Variants in FGF14 observed in about 807,000 individuals in gnomAD.
The protein encoded by FGF14 is fibroblast growth factor homologous factor 4.
FGF14 carries 5 observed loss-of-function variants against 25.5 expected under a neutral mutation model. The ratio of observed to expected loss-of-function variants is 0.20; its 90% CI spans 0.10 to 0.41. FGF14 has a LOEUF of 0.41. Among genes scored for constraint, FGF14 ranks in the 10% least tolerant of loss-of-function variants. FGF14 has a pLI of 1.00. For missense variants in FGF14, 222 were observed against 320.1 expected (o/e 0.69, Z 2.34); for synonymous variants, 138 against 118.3 (o/e 1.17, Z -1.08).
chr13:102,062,816 A>G (rs911790707), intron 1 of FGF14, among the ~76,000 whole-genome samples: 12 of 152,224 alleles, frequency 7.9e-5, no homozygotes, highest in Non-Finnish European at 4.4e-5. Flanking sequence ...AAATGTGTTC[A>G]GCAATACTAA....
chr13:102,145,084 GT>G (rs1169830164), intron 1 of FGF14, among the ~76,000 whole-genome samples: 3 of 152,102 alleles, frequency 2.0e-5, no homozygotes, highest in Admixed American at 6.6e-5. Flanking sequence ...GTTGCCAACA[GT>G]TATTATTTTC....
intron 1 of FGF14, among the ~76,000 whole-genome samples, chr13:101,883,399 T>C (rs1215107684): frequency 6.6e-6 from 1 of 152,204 alleles, no homozygotes; most frequent in Non-Finnish European, 1.5e-5. Flanking sequence ...TTTCTATGTT[T>C]TGTTTAAGCA....
At chr13:101,864,615 C>T (rs1227559350) in intron 3 of FGF14, among the ~76,000 whole-genome samples, 1 of 152,012 alleles carries the variant, frequency 6.6e-6, no homozygotes, top group Non-Finnish European at 1.5e-5. Context: ...ACATGGTAAC[C>T]TTGAATTTTC....
At chr13:102,137,242 C>A (rs1566733020) in intron 1 of FGF14, among the ~76,000 whole-genome samples, 1 of 152,178 alleles carries the variant, frequency 6.6e-6, no homozygotes, top group Non-Finnish European at 1.5e-5. Flanking sequence ...TCCCTCTTGG[C>A]AACCAAAACA....
At chr13:102,071,898 C>G (rs957078384) in intron 1 of FGF14, among the ~76,000 whole-genome samples, 1 of 152,154 alleles carries the variant, frequency 6.6e-6, no homozygotes, top group African/African-American at 2.4e-5. Context: ...GTGGGAATTA[C>G]ACTCTCACGA....
intron 1 of FGF14, among the ~76,000 whole-genome samples, chr13:102,383,907 C>T (rs947272500): frequency 1.3e-5 from 2 of 152,046 alleles, no homozygotes; most frequent in Admixed American, 6.6e-5. Flanking sequence ...AAAAATGTTA[C>T]AAAAAATTTT....
chr13:101,960,675 T>C (rs72662462), intron 1 of FGF14, among the ~76,000 whole-genome samples: 671 of 152,316 alleles, frequency 4.4e-3, no homozygotes, highest in Admixed American at 8.2e-3. Flanking sequence ...ATCTTTACAA[T>C]AGAATGATTT....
rs2038603017 is a variant in FGF14 at position 101,769,214 on chromosome 13, A to G, written c.409-42404T>C. Among the ~76,000 whole-genome samples the G allele has an allele frequency of 4.6e-5, 7 of 152,184 alleles. No homozygotes were observed. In the South Asian group the frequency reaches 1.2e-3, roughly 27 times the overall value. ...ATAAACATATGAAAAGATGTTCCACATTATATGTCATCAGGGAAATGCACA... is the reference window on the plus strand; with the variant it reads ...ATAAACATATGAAAAGATGTTCCACGTTATATGTCATCAGGGAAATGCACA... On this transcript the variant is annotated intron_variant, in intron 3 of 4. Transcript: ENST00000376143.
intron 1 of FGF14, among the ~76,000 whole-genome samples, chr13:102,079,952 T>C (rs2043540779): frequency 6.6e-6 from 1 of 152,090 alleles, no homozygotes; most frequent in Non-Finnish European, 1.5e-5. Flanking sequence ...TTGCCTGGCA[T>C]GTATGAGACA....
chr13:101,715,125 A>G lies in FGF14; in HGVS notation c.*7706T>C, dbSNP rs963410197. The stretch of plus-strand genomic sequence containing the variant: ...CCTCAGCTCTAGCTGAAGGTAAAAG[A>G]TGACTCTTTGTGTGTCATTAAGTTA... On this transcript the variant is annotated 3_prime_UTR_variant, in exon 5 of 5. Coordinates refer to ENST00000376143, the MANE Select transcript of FGF14 (RefSeq NM_004115.4). 1.8e-5 allele frequency: 3 copies of G among 165,994 alleles called. No individual in the cohort carries two copies. The highest frequency in any genetic ancestry group is 4.8e-5 in the African/African-American group (2 of 41,676). 10.3% of individuals were successfully genotyped at this position (165,994 alleles called of 1,614,324 possible).
rs191808104 is a variant in FGF14, at chr13:102,115,019, A to G, written c.209-239723T>C. On this transcript the variant is annotated intron_variant, in intron 1 of 4. Transcript: ENST00000376131. ...ACATTTCATTGTATAGCCTTTTAAAAGGCTGAATTGGACAGATGGGACCAA... is the reference window on the plus strand; with the variant it reads ...ACATTTCATTGTATAGCCTTTTAAAGGGCTGAATTGGACAGATGGGACCAA... Among the ~76,000 whole-genome samples the G allele has an allele frequency of 2.2e-3, 330 of 152,328 alleles. 2 individuals carry two copies. The highest frequency in any genetic ancestry group is 4.9e-3 in the Admixed American group (75 of 15,308).
chr13:101,983,879 C>A (rs1214151685), intron 1 of FGF14, among the ~76,000 whole-genome samples: 1 of 152,184 alleles, frequency 6.6e-6, no homozygotes, highest in Admixed American at 6.5e-5. Context: ...ACTAGCTGGG[C>A]TCCCCCTAGG....
chr13:102,047,187 A>G (rs1384286860), intron 1 of FGF14, among the ~76,000 whole-genome samples: 2 of 152,160 alleles, frequency 1.3e-5, no homozygotes, highest in Non-Finnish European at 2.9e-5. Flanking sequence ...TATAATACAT[A>G]TGGACAGCAG....
At chr13:102,075,410 T>G (rs1322146053) in intron 1 of FGF14, among the ~76,000 whole-genome samples, 1 of 152,156 alleles carries the variant, frequency 6.6e-6, no homozygotes, top group Non-Finnish European at 1.5e-5. Flanking sequence ...CCTATAAGAT[T>G]ATAATCAAGC....
rs146441076 is a variant in FGF14 at position 101,979,965 on chromosome 13, G to A, written c.209-104669C>T. ...ATTGCCAGTCAACACTAAATCGTTT[G>A]CTGCAAGGAAAACAGCTGCCCACTC... is the stretch of plus-strand genomic sequence containing the variant. On this transcript the variant is annotated intron_variant, in intron 1 of 4. Transcript: ENST00000376131. 7.7e-3 allele frequency among the ~76,000 whole-genome samples: 1,165 copies of A among 152,264 alleles called. 19 individuals carry two copies. The highest frequency in any genetic ancestry group is 0.026 in the African/African-American group (1,091 of 41,552).
chr13:102,281,172 AAAGT>A (rs1416547746), intron 1 of FGF14, among the ~76,000 whole-genome samples: 6 of 152,192 alleles, frequency 3.9e-5, no homozygotes, highest in African/African-American at 1.4e-4. Context: ...GTTCTGATGA[AAAGT>A]AAGATTTTCT....
At chr13:102,264,678 G>A (rs2052897726) in intron 1 of FGF14, among the ~76,000 whole-genome samples, 2 of 152,098 alleles carry the variant, frequency 1.3e-5, no homozygotes, top group South Asian at 4.1e-4. Flanking sequence ...TAAAGATGGT[G>A]GGGGACTAAA....
At chr13:102,198,812 T>A (rs527505) in intron 1 of FGF14, among the ~76,000 whole-genome samples, 31,906 of 152,092 alleles carry the variant, frequency 0.21, 3,581 homozygotes, top group African/African-American at 0.28. Context: ...TTTTATTCAA[T>A]GCCTTCCTCA....
At chr13:101,740,389 G>T (rs908768435) in intron 3 of FGF14, among the ~76,000 whole-genome samples, 2 of 152,148 alleles carry the variant, frequency 1.3e-5, no homozygotes, top group Non-Finnish European at 2.9e-5. Flanking sequence ...AGCCAATTTG[G>T]ATATAAGAAT....
Sources: allele counts gnomAD v4.1 joint callset (sites outside exome capture counted in the v4.1 genomes callset), GRCh38; gene constraint gnomAD v4.1.1; transcripts MANE v1.5; gene names NCBI Gene and HGNC (gene_info 2026-07-23, HGNC 2026-07-21).